Variants in AMOTL1 observed in about 807,000 individuals in gnomAD.
AMOTL1 encodes the protein angiomotin like 1, also known as angiomotin-like protein 1.
AMOTL1 carries 45 observed loss-of-function variants against 102.9 expected under a neutral mutation model. The observed-to-expected ratio is 0.44, with a 90% CI of 0.34 to 0.56. The LOEUF (loss-of-function observed/expected upper bound fraction) is 0.56, where lower values mean the gene tolerates loss of function less well. AMOTL1 is among the 20% of genes least tolerant of loss of function. The probability of loss-of-function intolerance (pLI) is 0.01; values close to 1 mark genes in which losing one functional copy is unlikely to be tolerated. For missense variants in AMOTL1, 1,114 were observed against 1,225.6 expected, an observed-to-expected ratio of 0.91 and a Z score of 1.36; for synonymous variants, 481 against 484.7, an observed-to-expected ratio of 0.99 and a Z score of 0.10.
At chr11:94,786,533 T>C (rs1416932657) in intron 1 of AMOTL1, among the ~76,000 whole-genome samples, 1 of 152,102 alleles carries the variant, frequency 6.6e-6, no homozygotes, top group Non-Finnish European at 1.5e-5. Context: ...TGTGAGTTTG[T>C]GCTCAAGCTA....
In AMOTL1 at chr11:94,768,646, C is replaced by G. The variant is rs1003863395; in HGVS notation, c.49+86C>G. The G allele has an allele frequency of 1.9e-6, 3 of 1,541,710 alleles. No individual in the cohort carries two copies. In the African/African-American group the frequency reaches 4.1e-5, roughly 21 times the overall value. ...CAGTCGCCCCGGGCTCCCCGGGCCC[C>G]TGCTGCTCACGGAAGGGGGCAGCTT... On this transcript the variant is annotated intron_variant, in intron 1 of 12. Coordinates refer to ENST00000433060, the MANE Select transcript of AMOTL1 (RefSeq NM_130847.3).
At chr11:94,740,872 G>T (rs1950512184) in intron 2 of AMOTL1, 1 of 1,093,850 alleles carries the variant, frequency 9.1e-7, no homozygotes, top group Non-Finnish European at 1.1e-6. Flanking sequence ...GCTTGAGCTG[G>T]TGCTTGTGCG....
At position 94,870,678 on chromosome 11, in the gene AMOTL1, C is replaced by T. The variant is rs968407007; in HGVS notation, c.2765-11C>T. The T allele has an allele frequency of 1.3e-6, 2 of 1,583,194 alleles. No individual in the cohort carries two copies. Among genetic ancestry groups the T allele is most frequent in the East Asian group, 2.3e-5 (1 of 43,874 alleles). Reference sequence around the variant, plus strand: ...GGAATGGGCAGCTGATGTTTCCCCTCTATTTGGCAGAGAACTCTCCTGGCC... The same window carrying T: ...GGAATGGGCAGCTGATGTTTCCCCTTTATTTGGCAGAGAACTCTCCTGGCC... On this transcript the variant is annotated splice_polypyrimidine_tract_variant and intron_variant, in intron 12 of 12. Coordinates refer to ENST00000433060, the MANE Select transcript of AMOTL1 (RefSeq NM_130847.3).
At chr11:94,711,732 G>T (rs1313009588) in intron 1 of AMOTL1, among the ~76,000 whole-genome samples, 1 of 152,048 alleles carries the variant, frequency 6.6e-6, no homozygotes, top group African/African-American at 2.4e-5. Context: ...TAATAATCTT[G>T]AGATCTATCC....
intron 8 of AMOTL1, among the ~76,000 whole-genome samples, chr11:94,859,170 CT>C (rs1249411229): frequency 6.6e-6 from 1 of 152,134 alleles, no homozygotes; most frequent in Non-Finnish European, 1.5e-5. Flanking sequence ...CCTATTCTTG[CT>C]TTTGGTGTAA....
intron 2 of AMOTL1, among the ~76,000 whole-genome samples, chr11:94,731,076 A>G (rs1194171415): frequency 6.6e-6 from 1 of 152,178 alleles, no homozygotes; most frequent in African/African-American, 2.4e-5. Context: ...TCTATCTGCA[A>G]TCTTTGGGGC....
intron 6 of AMOTL1, among the ~76,000 whole-genome samples, chr11:94,835,515 A>T (rs1219422714): frequency 6.6e-6 from 1 of 152,274 alleles, no homozygotes; most frequent in African/African-American, 2.4e-5. Context: ...AAAGCCAAAA[A>T]TAAAATATTA....
At chr11:94,734,942 C>G (rs1041418183) in intron 2 of AMOTL1, among the ~76,000 whole-genome samples, 1 of 152,200 alleles carries the variant, frequency 6.6e-6, no homozygotes, top group African/African-American at 2.4e-5. Flanking sequence ...TTGTGCAGCT[C>G]TTTCTTGCAA....
In AMOTL1 at chr11:94,859,537, G is replaced by A; in HGVS notation, c.1957G>A (p.Gly653Ser). The part of the protein sequence containing the change: ...ALRTQQKHGN[G>S]QPANMPEYNA... ...TCTACTCCTTCAGAAACATGGAAAT[G>A]GCCAGCCAGCCAACATGCCGGAATA... The change falls in exon 9 of 13, where the codon GGC (glycine) becomes AGC (serine). Residue 653 changes from glycine (G) to serine (S), a missense_variant. Transcript: ENST00000433060. The A allele has an allele frequency of 6.2e-7, 1 of 1,611,990 alleles. No individual in the cohort carries two copies. The highest frequency in any genetic ancestry group is 8.5e-7 in the Non-Finnish European group (1 of 1,178,832).
chr11:94,862,515 C>G (rs1952794553), intron 9 of AMOTL1, among the ~76,000 whole-genome samples: 1 of 152,172 alleles, frequency 6.6e-6, no homozygotes, highest in African/African-American at 2.4e-5. Context: ...GTTTTCCCAT[C>G]TTTATGCATC....
chr11:94,782,936 A>G (rs1951133454), intron 1 of AMOTL1, among the ~76,000 whole-genome samples: 1 of 152,360 alleles, frequency 6.6e-6, no homozygotes, highest in Middle Eastern at 3.4e-3. Flanking sequence ...TATGTAACAT[A>G]TCATGGCTTT....
intron 11 of AMOTL1, among the ~76,000 whole-genome samples, chr11:94,867,582 T>C (rs565468937): frequency 3.9e-5 from 6 of 151,986 alleles, no homozygotes; most frequent in African/African-American, 1.5e-4. Flanking sequence ...ATTGTTGTCA[T>C]TGGTGTCCAC....
intron 3 of AMOTL1, 67 bp from the exon 4 acceptor site, chr11:94,821,463 G>A: frequency 1.3e-6 from 2 of 1,511,816 alleles, no homozygotes; most frequent in African/African-American, 1.4e-5. Flanking sequence ...TGCCAGTATT[G>A]TTGGGGCTTC....
rs571651453 is a variant in AMOTL1 at position 94,722,126 on chromosome 11, G to A, written c.-50-6795G>A. Among the ~76,000 whole-genome samples the A allele has an allele frequency of 3.5e-4, 53 of 152,236 alleles. No individual in the cohort carries two copies. In the South Asian group the frequency reaches 0.011, roughly 31 times the overall value. On this transcript the variant is annotated intron_variant, in intron 1 of 4. Coordinates refer to the AMOTL1 transcript ENST00000299004. ...CTCCATCTCAGCAAGTCCTTACAGAGCATTCCTCTGCCTCTTCACCTCTGT... is the reference window on the plus strand; with the variant it reads ...CTCCATCTCAGCAAGTCCTTACAGAACATTCCTCTGCCTCTTCACCTCTGT...
chr11:94,850,848 T>G (rs1471694615), intron 7 of AMOTL1, among the ~76,000 whole-genome samples: 1 of 152,174 alleles, frequency 6.6e-6, no homozygotes, highest in African/African-American at 2.4e-5. Context: ...TATAAGAGTC[T>G]TAACTGAGAA....
intron 1 of AMOTL1, among the ~76,000 whole-genome samples, chr11:94,723,347 A>T (rs1318404959): frequency 2.6e-5 from 4 of 152,134 alleles, no homozygotes; most frequent in African/African-American, 4.8e-5. Flanking sequence ...TTCATGGTAG[A>T]GGAGATTTCT....
At chr11:94,806,322 G>T (rs1185814479) in intron 3 of AMOTL1, among the ~76,000 whole-genome samples, 1 of 152,226 alleles carries the variant, frequency 6.6e-6, no homozygotes, top group Admixed American at 6.5e-5. Flanking sequence ...CAAGAAAGAA[G>T]GTTTGATGGT....
Position 94,802,481 on chromosome 11 carries a change from T to C in AMOTL1, c.1121+2170T>C, listed in dbSNP as rs75757392. 2.1e-3 allele frequency among the ~76,000 whole-genome samples: 323 copies of C among 152,326 alleles called. 2 individuals are homozygous for C. The highest frequency in any genetic ancestry group is 7.5e-3 in the African/African-American group (312 of 41,568). ...AATGCATACAGTGGATCACTTTGCC[T>C]TTTGTCATTTGGTAATAGGTGTGAT... On this transcript the variant is annotated intron_variant, in intron 3 of 12. Coordinates refer to ENST00000433060, the MANE Select transcript of AMOTL1 (RefSeq NM_130847.3).
At chr11:94,814,855 C>T (rs1306679930) in intron 3 of AMOTL1, among the ~76,000 whole-genome samples, 3 of 152,176 alleles carry the variant, frequency 2.0e-5, no homozygotes, top group Non-Finnish European at 4.4e-5. Context: ...GAGTCTGATA[C>T]ATAGTAAGCA....
Sources: allele counts gnomAD v4.1 joint callset (sites outside exome capture counted in the v4.1 genomes callset), GRCh38; gene constraint gnomAD v4.1.1; transcripts MANE v1.5; gene names NCBI Gene and HGNC (gene_info 2026-07-23, HGNC 2026-07-21).